The following SH3TC1 variants were observed in gnomAD, a reference collection of about 807,000 sequenced individuals.
The protein encoded by SH3TC1 is SH3 domain and tetratricopeptide repeat-containing protein 1.
Under a neutral mutation model 117.3 loss-of-function variants are expected in SH3TC1, and 135 were observed. That is an observed-to-expected ratio of 1.15 (90% confidence interval 1.00 to 1.33). SH3TC1 has a LOEUF of 1.33. Ranked by LOEUF, SH3TC1 falls within the 40% of genes most tolerant of loss-of-function variation. The probability of loss-of-function intolerance (pLI) is 0.00; values close to 1 mark genes in which losing one functional copy is unlikely to be tolerated. For missense variants in SH3TC1, 2,092 were observed against 1,794.3 expected (o/e 1.17, Z -3.00); for synonymous variants, 898 against 816.9 (o/e 1.10, Z -1.69).
In SH3TC1 at chr4:8,221,526, C is replaced by T. The variant is rs1031954058; in HGVS notation, c.1113-1314C>T. On this transcript the variant is annotated intron_variant, in intron 9 of 17. Coordinates refer to ENST00000245105, the MANE Select transcript of SH3TC1 (RefSeq NM_018986.5). ...GCAAAAAGAGTATAACATTCCCACA[C>T]GCCCTCACCCAGATTGCACAAATGT... Among the ~76,000 whole-genome samples the T allele has an allele frequency of 3.9e-5, 6 of 152,042 alleles. No individual in the cohort carries two copies. In the South Asian group the frequency reaches 1.0e-3, roughly 26 times the overall value.
At chr4:8,200,886 G>A (rs894262970) in intron 1 of SH3TC1, among the ~76,000 whole-genome samples, 5 of 152,200 alleles carry the variant, frequency 3.3e-5, no homozygotes, top group Admixed American at 1.3e-4. Flanking sequence ...GTGTGTCTCC[G>A]TGTCCTCTCT....
intron 12 of SH3TC1, chr4:8,231,725 A>G (rs1192117459): frequency 3.8e-6 from 2 of 530,932 alleles, no homozygotes; most frequent in Non-Finnish European, 6.6e-6. Context: ...TGAAGCAGAA[A>G]TAGATGGCCT....
At chr4:8,213,666 CGAA>C (rs1487103912) in intron 4 of SH3TC1, among the ~76,000 whole-genome samples, 2 of 151,968 alleles carry the variant, frequency 1.3e-5, no homozygotes, top group African/African-American at 4.8e-5. Context: ...GGGCGAACGA[CGAA>C]GAAGGATCAC....
rs764157873 is a variant in SH3TC1 at position 8,228,009 on chromosome 4, C to A, written c.2315C>A (p.Ala772Glu). ...PAQTSHYLRQ[A>E]LASLTPGTGQ... is the part of the protein sequence containing the mutation. ...CAAACTTCCCACTACCTCAGGCAAG[C>A]GCTGGCCTCCCTGACCCCGGGCACA... The change falls in exon 12 of 18, where the codon GCG becomes GAG. Residue 772 changes from alanine to glutamate, a missense_variant. By Grantham distance (107) the Ala-to-Glu change is moderately radical. Coordinates refer to ENST00000245105, the MANE Select transcript of SH3TC1 (RefSeq NM_018986.5). 3 of 1,611,730 alleles carry A rather than the reference C, an allele frequency of 1.9e-6. No individual in the cohort carries two copies. The highest frequency in any genetic ancestry group is 2.5e-6 in the Non-Finnish European group (3 of 1,179,352).
At chr4:8,221,519 T>A (rs930989975) in intron 9 of SH3TC1, among the ~76,000 whole-genome samples, 5 of 152,170 alleles carry the variant, frequency 3.3e-5, no homozygotes, top group African/African-American at 1.2e-4. Context: ...AGTATAACAT[T>A]CCCACACGCC....
intron 17 of SH3TC1, 45 bp from the exon 18 acceptor site, chr4:8,240,653 T>C: frequency 1.9e-6 from 3 of 1,609,844 alleles, no homozygotes; most frequent in Non-Finnish European, 2.5e-6. Flanking sequence ...CTGGGGAGAC[T>C]GGCTCCGAGT....
intron 17 of SH3TC1, among the ~76,000 whole-genome samples, chr4:8,239,963 C>T (rs1255010709): frequency 1.3e-5 from 2 of 152,238 alleles, no homozygotes; most frequent in Non-Finnish European, 2.9e-5. Flanking sequence ...GCCGTGAGGG[C>T]ATGGGCTGCT....
intron 17 of SH3TC1, among the ~76,000 whole-genome samples, chr4:8,240,047 TAGAG>T (rs1409701340): frequency 5.9e-5 from 9 of 152,182 alleles, no homozygotes; most frequent in South Asian, 4.1e-4. Flanking sequence ...GCTTGGGTCT[TAGAG>T]AGGTCCCTTG....
At chr4:8,230,625 T>G (rs188753166) in intron 12 of SH3TC1, among the ~76,000 whole-genome samples, 13 of 152,320 alleles carry the variant, frequency 8.5e-5, no homozygotes, top group African/African-American at 3.1e-4. Context: ...TTTACTCGCT[T>G]TGGGTTTAGT....
At chr4:8,214,223 T>G (rs975137760) in intron 4 of SH3TC1, among the ~76,000 whole-genome samples, 1 of 149,822 alleles carries the variant, frequency 6.7e-6, no homozygotes, top group Non-Finnish European at 1.5e-5. Flanking sequence ...GTGTAGAGGG[T>G]GAGGAGCCAG....
In SH3TC1 at chr4:8,209,362, C is replaced by T. The variant is rs375883246; in HGVS notation, c.173-386C>T. On this transcript the variant is annotated intron_variant, in intron 2 of 17. Transcript: ENST00000245105. The surrounding 1 kb of genome is among the most constrained non-coding windows in gnomAD (Gnocchi z 5.9). ...AGTGACAAAGCGGAAGTAGAAGTGG[C>T]GGCCACAAGCCGAGGGACGTGTGCG... Among the ~76,000 whole-genome samples, 3 of 152,142 alleles carry T rather than the reference C, an allele frequency of 2.0e-5. No homozygotes were observed. Among genetic ancestry groups the T allele is most frequent in the Non-Finnish European group, 4.4e-5 (3 of 68,032 alleles).
At chr4:8,233,563 C>T in intron 14 of SH3TC1, 50 bp downstream of exon 14, 1 of 1,536,008 alleles carries the variant, frequency 6.5e-7, no homozygotes, top group Non-Finnish European at 8.8e-7. Context: ...CACTCTCCAT[C>T]CATCCATCCG....
chr4:8,212,461 C>A (rs1718833455), intron 3 of SH3TC1, among the ~76,000 whole-genome samples: 1 of 152,216 alleles, frequency 6.6e-6, no homozygotes, highest in Non-Finnish European at 1.5e-5. Context: ...GTCCCCACCA[C>A]TCCACAGGAC....
rs1186514302 is a variant in SH3TC1 at position 8,182,837 on chromosome 4, C to G, written c.-57+627C>G. Among the ~76,000 whole-genome samples, 5 of 152,304 alleles carry G rather than the reference C, an allele frequency of 3.3e-5. No individual in the cohort carries two copies. In the South Asian group the frequency reaches 8.3e-4, roughly 25 times the overall value. The stretch of plus-strand genomic sequence containing the variant: ...CTCCTGCTACACCAGTGCCAGGGGT[C>G]TCAGAGGGGTTCCAGTGGCTCTCTG... On this transcript the variant is annotated intron_variant, in intron 1 of 16. Transcript: ENST00000508641.
chr4:8,205,268 G>T lies in SH3TC1; in HGVS notation c.74G>T (p.Gly25Val), dbSNP rs867077007. Reference sequence around the variant, plus strand: ...AGGGGTCCTGTGGGACCCTCAGGAGGTGGCAGCACCCGGGACCAGGTCCGG... The same window carrying T: ...AGGGGTCCTGTGGGACCCTCAGGAGTTGGCAGCACCCGGGACCAGGTCCGG... ...MGRGPVGPSG[G>V]GSTRDQVRTV... is the part of the protein sequence containing the mutation. Residue 25 changes from glycine (G) to valine (V), a missense_variant, in exon 2 of 18, where the codon GGT becomes GTT. Gly to Val is a moderately radical substitution (Grantham distance 109). Transcript: ENST00000245105. This position sits in a 1 kb window ranked among gnomAD's most constrained non-coding sequence, Gnocchi z 5.4. 3.2e-6 allele frequency: 5 copies of T among 1,550,674 alleles called. No individual in the cohort carries two copies. The highest frequency in any genetic ancestry group is 4.4e-6 in the Non-Finnish European group (5 of 1,147,104).
intron 1 of SH3TC1, among the ~76,000 whole-genome samples, chr4:8,193,385 C>T (rs1717472595): frequency 6.6e-6 from 1 of 152,178 alleles, no homozygotes; most frequent in African/African-American, 2.4e-5. Context: ...TCCATAGTCC[C>T]CTGAAGTGGC....
rs779516742 is a variant in SH3TC1, at chr4:8,222,853, A to G, written c.1126A>G (p.Ile376Val). 1.2e-5 allele frequency: 19 copies of G among 1,611,220 alleles called. No individual in the cohort carries two copies. The Admixed American group carries it at 3.0e-4, about 25-fold the overall frequency. The stretch of plus-strand genomic sequence containing the variant: ...TATTTTTTCCAGGTTGGAAAGTGCG[A>G]TTTTTCTCAATGAGGAAGAAAAGTC... ...QGPVSELESAIFLNEEEKSFF... is the reference protein window; with the variant it reads ...QGPVSELESAVFLNEEEKSFF... The change falls in exon 10 of 18, where the codon ATT becomes GTT. Residue 376 changes from isoleucine (I) to valine (V), a missense_variant. Physicochemically the swap from Ile to Val is conservative, Grantham distance 29 (BLOSUM62 3). Transcript: ENST00000245105.
rs1294570811 is a variant in SH3TC1 at position 8,240,919 on chromosome 4, G to A, written c.3975G>A (p.Gly1325=). The A allele has an allele frequency of 6.2e-7, 1 of 1,612,438 alleles. No individual in the cohort carries two copies. Among genetic ancestry groups the A allele is most frequent in the Non-Finnish European group, 8.5e-7 (1 of 1,180,000 alleles). Residue 1325 remains glycine, a synonymous_variant, in exon 18 of 18, where the codon GGG becomes GGA. Transcript: ENST00000245105. The part of the protein sequence containing the change: ...RVNLPPLPLC[G]WAPWLAPSHP... ...ACCTGCCTCCTCTGCCACTCTGCGGGTGGGCCCCCTGGTTGGCCCCCAGCC... is the reference window on the plus strand; with the variant it reads ...ACCTGCCTCCTCTGCCACTCTGCGGATGGGCCCCCTGGTTGGCCCCCAGCC...
At chr4:8,211,601 G>A (rs567511633) in intron 3 of SH3TC1, among the ~76,000 whole-genome samples, 11 of 149,828 alleles carry the variant, frequency 7.3e-5, no homozygotes, top group Admixed American at 2.0e-4. Flanking sequence ...AAAGCCCCTG[G>A]AATGCCACTG....
Sources: allele counts gnomAD v4.1 joint callset (sites outside exome capture counted in the v4.1 genomes callset), GRCh38; gene constraint gnomAD v4.1.1; non-coding constraint Gnocchi (gnomAD v3.1); transcripts MANE v1.5; gene names NCBI Gene and HGNC (gene_info 2026-07-23, HGNC 2026-07-21).